Variants in TMEM132A observed in about 807,000 individuals in gnomAD.
TMEM132A encodes transmembrane protein 132A.
Under a neutral mutation model 69.9 loss-of-function variants are expected in TMEM132A, and 48 were observed. The ratio of observed to expected loss-of-function variants is 0.69; its 90% CI spans 0.55 to 0.87. The LOEUF is 0.87. Ranked by LOEUF, TMEM132A falls within the 40% of genes least tolerant of loss-of-function variation. The pLI, the probability that TMEM132A is intolerant of heterozygous loss-of-function variation, is 0.00. For missense variants in TMEM132A, 1,287 were observed against 1,407.2 expected (o/e 0.91, Z 1.37); for synonymous variants, 577 against 613.7 (o/e 0.94, Z 0.88).
chr11:60,927,948 T>C, intron 3 of TMEM132A, 89 bp downstream of exon 3: 1 of 1,181,378 alleles, frequency 8.5e-7, no homozygotes, highest in Non-Finnish European at 1.2e-6. Context: ...CCCCCACTCC[T>C]GGGAAGCGCG....
At position 60,927,783 on chromosome 11, in the gene TMEM132A, G is replaced by A; in HGVS notation, c.458G>A (p.Gly153Glu). 6.2e-7 allele frequency: 1 copy of A among 1,612,866 alleles called. No homozygotes were observed. Residue 153 changes from glycine (G) to glutamate (E), a missense_variant, in exon 3 of 11, where the codon GGG becomes GAG. By Grantham distance (98) the Gly-to-Glu change is moderately conservative. Coordinates refer to ENST00000453848, the MANE Select transcript of TMEM132A (RefSeq NM_178031.3). ...FHLKGQDWPPGSGSLPCARLH... is the reference protein window; with the variant it reads ...FHLKGQDWPPESGSLPCARLH... ...CTCAAAGGGCAGGATTGGCCACCAG[G>A]GTCTGGCAGCCTGCCCTGTGCCCGG... is the stretch of plus-strand genomic sequence containing the variant.
In TMEM132A at chr11:60,936,733, G is replaced by A. The variant is rs759094219; in HGVS notation, c.2898G>A (p.Val966=). 8.8e-6 allele frequency: 14 copies of A among 1,597,740 alleles called. No individual in the cohort carries two copies. The East Asian group carries it at 2.9e-4, about 33-fold the overall frequency. ...AGGRRKRVEF[V]TFAPAPPAQS... is the part of the protein sequence containing the mutation. ...GGCGGCGGAAGCGAGTAGAGTTTGT[G>A]ACATTTGCGCCAGCCCCTCCAGCCC... The change falls in exon 11 of 11, where the codon GTG becomes GTA. Residue 966 remains valine, a synonymous_variant. Coordinates refer to ENST00000453848, the MANE Select transcript of TMEM132A (RefSeq NM_178031.3).
In TMEM132A at chr11:60,924,486, T is replaced by C; in HGVS notation, c.-148T>C. 2.3e-6 allele frequency: 1 copy of C among 443,338 alleles called. No individual in the cohort carries two copies. The highest frequency in any genetic ancestry group is 3.7e-6 in the Non-Finnish European group (1 of 271,928). The allele number at this position is 443,338 out of a possible 1,614,324, so 27.5% of individuals were successfully genotyped here. ...CTGCTCCCGCTCCATTGTCTGGGAA[T>C]TGCAGCCGCGGGGCGGGCGGCGGCG... is the stretch of plus-strand genomic sequence containing the variant. On this transcript the variant is annotated 5_prime_UTR_variant, in exon 1 of 11. Transcript: ENST00000453848.
chr11:60,933,821 T>C (rs778130293), intron 8 of TMEM132A, 77 bp downstream of exon 8: 440 of 1,371,916 alleles, frequency 3.2e-4, no homozygotes, highest in Non-Finnish European at 4.1e-4. Flanking sequence ...GACACAGCCA[T>C]GGGCCCAAGT....
In TMEM132A at chr11:60,936,780, G is replaced by A; in HGVS notation, c.2945G>A (p.Gly982Glu). The change falls in exon 11 of 11, where the codon GGG (glycine) becomes GAG (glutamate). Residue 982 changes from glycine to glutamate, a missense_variant. Coordinates refer to ENST00000453848, the MANE Select transcript of TMEM132A (RefSeq NM_178031.3). ...GCCCAGTCACCTGAGGAGCCTGTAG[G>A]GGCCCCTGCTGTGCAGTCCATCCTT... ...PPAQSPEEPVGAPAVQSILVA... is the reference protein window; with the variant it reads ...PPAQSPEEPVEAPAVQSILVA... 5.0e-6 allele frequency: 8 copies of A among 1,613,148 alleles called. No homozygotes were observed. The highest frequency in any genetic ancestry group is 6.8e-6 in the Non-Finnish European group (8 of 1,179,668).
chr11:60,936,934 C>T lies in TMEM132A; in HGVS notation c.*27C>T. On this transcript the variant is annotated 3_prime_UTR_variant, in exon 11 of 11. Transcript: ENST00000453848. ...CCTCCACAGCCACCTGGTCAGCCAC[C>T]AGCTGGGGCAACGAGGGTGGAGGTC... The T allele has an allele frequency of 2.7e-6, 4 of 1,503,874 alleles. No homozygotes were observed. The highest frequency in any genetic ancestry group is 1.8e-6 in the Non-Finnish European group (2 of 1,126,010). 93.2% of individuals were successfully genotyped at this position (1,503,874 alleles called of 1,614,324 possible).
chr11:60,927,906 A>G (rs1381308326), intron 3 of TMEM132A, 47 bp downstream of exon 3: 5 of 1,527,050 alleles, frequency 3.3e-6, no homozygotes, highest in Non-Finnish European at 4.4e-6. Flanking sequence ...CAGCTGCATC[A>G]GCCAGGTGGT....
In TMEM132A at chr11:60,932,097, C is replaced by T. The variant is rs1408730098; in HGVS notation, c.1326C>T (p.Gly442=). The change falls in exon 7 of 11, where the codon GGC becomes GGT. Residue 442 remains glycine, a synonymous_variant. Transcript: ENST00000453848. ...GALVEVTEHV[G]CESANTQVLQ... ...TGGTGGAGGTGACAGAGCATGTCGG[C>T]TGCGAGTCTGCCAACACACAGGTCC... 6.4e-7 allele frequency: 1 copy of T among 1,554,798 alleles called. No individual in the cohort carries two copies. Among genetic ancestry groups the T allele is most frequent in the South Asian group, 1.3e-5 (1 of 79,754 alleles).
intron 4 of TMEM132A, among the ~76,000 whole-genome samples, chr11:60,929,952 G>T (rs1856440370): frequency 6.6e-6 from 1 of 152,220 alleles, no homozygotes; most frequent in African/African-American, 2.4e-5. Context: ...GGATTAGAAG[G>T]CATGTGGGTG....
Position 60,928,826 on chromosome 11 carries a change from C to A in TMEM132A, c.732C>A (p.Pro244=). ...GTGTGGAGCTGCGCCCAGCAGACCCCCCGCAGTACCAGGAGGTACCTCTGG... is the reference window on the plus strand; with the variant it reads ...GTGTGGAGCTGCGCCCAGCAGACCCACCGCAGTACCAGGAGGTACCTCTGG... The part of the protein sequence containing the change: ...VGGVELRPAD[P]PQYQEVPLDE... Residue 244 remains proline, a synonymous_variant, in exon 4 of 11, where the codon CCC becomes CCA. Coordinates refer to ENST00000453848, the MANE Select transcript of TMEM132A (RefSeq NM_178031.3). The A allele has an allele frequency of 1.2e-6, 2 of 1,612,326 alleles. No individual in the cohort carries two copies. The highest frequency in any genetic ancestry group is 1.7e-6 in the Non-Finnish European group (2 of 1,179,872).
At chr11:60,934,243 C>G (rs913032668) in intron 8 of TMEM132A, 3 of 415,206 alleles carry the variant, frequency 7.2e-6, no homozygotes, top group African/African-American at 6.3e-5. Context: ...GAGCGTCTCC[C>G]CTGCGGTCCA....
At chr11:60,933,845 AC>A in intron 8 of TMEM132A, 101 bp downstream of exon 8, 1 of 1,142,028 alleles carries the variant, frequency 8.8e-7, no homozygotes, top group South Asian at 1.6e-5. Flanking sequence ...GGTCAGAAAA[AC>A]TGCCCTGTTG....
At position 60,933,695 on chromosome 11, in the gene TMEM132A, A is replaced by G; in HGVS notation, c.1510A>G (p.Thr504Ala). 1 of 1,601,490 alleles carries G rather than the reference A, an allele frequency of 6.2e-7. No homozygotes were observed. The highest frequency in any genetic ancestry group is 1.3e-5 in the African/African-American group (1 of 74,832). ...LLPLRIELTD[T>A]TLEQVRGWRV... The stretch of plus-strand genomic sequence containing the variant: ...ACCGCTGCGTATCGAGCTCACCGAC[A>G]CCACCCTCGAGCAGGTCCGCGGCTG... The change falls in exon 8 of 11, where the codon ACC (threonine) becomes GCC (alanine). Residue 504 changes from threonine (T) to alanine (A), a missense_variant. Transcript: ENST00000453848.
chr11:60,930,475 A>G (rs1397134062), intron 4 of TMEM132A, 35 bp from the exon 5 acceptor site: 1 of 1,558,448 alleles, frequency 6.4e-7, no homozygotes, highest in African/African-American at 1.4e-5. Context: ...TTCAGCATGC[A>G]CCTTGCCAAA....
Position 60,931,828 on chromosome 11 carries a change from G to A in TMEM132A, c.1156G>A (p.Val386Met), listed in dbSNP as rs201061336. 4 of 1,614,226 alleles carry A rather than the reference G, an allele frequency of 2.5e-6. No homozygotes were observed. The highest frequency in any genetic ancestry group is 3.4e-6 in the Non-Finnish European group (4 of 1,180,046). Reference protein sequence around the residue: ...QAPEAEKDKMVWEILVSERDI... With the variant: ...QAPEAEKDKMMWEILVSERDI... ...CCCTGAAGCAGAGAAGGACAAAATG[G>A]TGTGGGAAATCCTGGTGTCTGAGCG... Residue 386 changes from valine to methionine, a missense_variant, in exon 6 of 11, where the codon GTG becomes ATG. Physicochemically the swap from Val to Met is conservative, Grantham distance 21. Coordinates refer to ENST00000453848, the MANE Select transcript of TMEM132A (RefSeq NM_178031.3).
Position 60,927,264 on chromosome 11 carries a change from A to G in TMEM132A, c.161A>G (p.Asp54Gly). 2 of 1,613,206 alleles carry G rather than the reference A, an allele frequency of 1.2e-6. No individual in the cohort carries two copies. Among genetic ancestry groups the G allele is most frequent in the Middle Eastern group, 3.3e-4 (2 of 6,062 alleles). Residue 54 changes from aspartate (D) to glycine (G), a missense_variant, in exon 2 of 11, where the codon GAC becomes GGC. By Grantham distance (94) the Asp-to-Gly change is moderately conservative (BLOSUM62 -1). Transcript: ENST00000453848. ...CTGCCGGCAGCCCTGGAGCTCCTAG[A>G]CGCCCCTGAACACTTCCGTGTGCAG... ...VYLPAALELLDAPEHFRVQQV... is the reference protein window; with the variant it reads ...VYLPAALELLGAPEHFRVQQV...
intron 1 of TMEM132A, 47 bp downstream of exon 1, chr11:60,924,780 G>A (rs769570066): frequency 1.5e-6 from 2 of 1,308,424 alleles, no homozygotes; most frequent in Non-Finnish European, 2.0e-6. Flanking sequence ...GGGCCCGGCC[G>A]AGTGGGAGCG....
Position 60,924,537 on chromosome 11 carries a change from G to T in TMEM132A, c.-97G>T. On this transcript the variant is annotated 5_prime_UTR_variant, in exon 1 of 11. Transcript: ENST00000453848. ...GCGGCGGCGGCGGCCGGGACCCAGC[G>T]GGCCAGGTGGGGACGGCGCGGAGCG... is the stretch of plus-strand genomic sequence containing the variant. 1 of 900,388 alleles carries T rather than the reference G, an allele frequency of 1.1e-6. No homozygotes were observed. 55.8% of individuals were successfully genotyped at this position (900,388 alleles called of 1,614,324 possible).
chr11:60,925,958 T>C (rs1292455190), intron 1 of TMEM132A: 1 of 152,172 alleles, frequency 6.6e-6, no homozygotes, highest in Non-Finnish European at 1.5e-5. Flanking sequence ...CAGGAAATCC[T>C]CTCTAGGGAG....
Sources: allele counts gnomAD v4.1 joint callset (sites outside exome capture counted in the v4.1 genomes callset), GRCh38; gene constraint gnomAD v4.1.1; transcripts MANE v1.5; gene names NCBI Gene and HGNC (gene_info 2026-07-23, HGNC 2026-07-21).